The following GPR39 variants were observed in gnomAD, a reference collection of about 807,000 sequenced individuals.
GPR39 encodes G protein-coupled receptor 39.
Under a neutral mutation model 18.4 loss-of-function variants are expected in GPR39, and 23 were observed. That is an observed-to-expected ratio of 1.25 (90% CI 0.90 to 1.77). The LOEUF (loss-of-function observed/expected upper bound fraction) is 1.77. Ranked by LOEUF, GPR39 falls within the 40% of genes most tolerant of loss-of-function variation. The pLI, the probability that GPR39 is intolerant of heterozygous loss-of-function variation, is 0.00. For synonymous variants in GPR39, 280 were observed against 257.9 expected, an observed-to-expected ratio of 1.09 and a Z score of -0.82; for missense variants, 647 against 602.4, an observed-to-expected ratio of 1.07 and a Z score of -0.78.
Position 132,416,935 on chromosome 2 carries a change from A to G in GPR39, c.-108A>G. 1.5e-6 allele frequency: 2 copies of G among 1,359,126 alleles called. No homozygotes were observed. 84.2% of individuals were successfully genotyped at this position (1,359,126 alleles called of 1,614,324 possible). On this transcript the variant is annotated 5_prime_UTR_variant, in exon 1 of 2. Coordinates refer to ENST00000329321, the MANE Select transcript of GPR39 (RefSeq NM_001508.3). ...GCGAGGAGAACTCGAGTGAGATAAA[A>G]TCGTGCGCCCACGCAGGTGAGTTTG...
intron 1 of GPR39, among the ~76,000 whole-genome samples, chr2:132,639,627 GAAGA>G (rs1424373952): frequency 6.6e-6 from 1 of 152,180 alleles, no homozygotes; most frequent in Non-Finnish European, 1.5e-5. Context: ...TGAATGGGTA[GAAGA>G]GAGATGATAG....
At chr2:132,527,809 T>C (rs1312828370) in intron 1 of GPR39, among the ~76,000 whole-genome samples, 4 of 152,236 alleles carry the variant, frequency 2.6e-5, no homozygotes, top group African/African-American at 9.6e-5. Flanking sequence ...TAAATTGGTT[T>C]AAGTTCCCTG....
chr2:132,606,560 C>T (rs773172179), intron 1 of GPR39, among the ~76,000 whole-genome samples: 6 of 152,232 alleles, frequency 3.9e-5, no homozygotes, highest in African/African-American at 9.6e-5. Context: ...TAAGTATTTA[C>T]AAGCCCAAGT....
At chr2:132,599,665 CTG>C (rs151165952) in intron 1 of GPR39, among the ~76,000 whole-genome samples, 6,478 of 152,164 alleles carry the variant, frequency 0.043, 476 homozygotes, top group African/African-American at 0.15. Context: ...AACTCAGGGA[CTG>C]TGCTCTGCAG....
chr2:132,600,436 CAATG>C (rs1183611886), intron 1 of GPR39, among the ~76,000 whole-genome samples: 1 of 151,850 alleles, frequency 6.6e-6, no homozygotes, highest in African/African-American at 2.4e-5. Flanking sequence ...AAAATACAAA[CAATG>C]AATGAAACAT....
chr2:132,625,576 A>C (rs1681527484), intron 1 of GPR39, among the ~76,000 whole-genome samples: 7 of 152,164 alleles, frequency 4.6e-5, no homozygotes, highest in Admixed American at 4.6e-4. Flanking sequence ...CTCATATGAG[A>C]ACAGAAGGGG....
chr2:132,532,737 A>C (rs1237179560), intron 1 of GPR39, among the ~76,000 whole-genome samples: 1 of 152,248 alleles, frequency 6.6e-6, no homozygotes, highest in Non-Finnish European at 1.5e-5. Flanking sequence ...AGAACCAAAG[A>C]CAAAAAACAC....
intron 1 of GPR39, among the ~76,000 whole-genome samples, chr2:132,455,966 G>T (rs1307565527): frequency 1.3e-5 from 2 of 152,284 alleles, no homozygotes; most frequent in African/African-American, 4.8e-5. Flanking sequence ...TTTATTTGGG[G>T]TGGAGAATTC....
chr2:132,583,816 C>G (rs768898911), intron 1 of GPR39, among the ~76,000 whole-genome samples: 5 of 151,376 alleles, frequency 3.3e-5, no homozygotes, highest in Non-Finnish European at 7.4e-5. Context: ...TCAGCTGAGG[C>G]TGCAGCCACA....
At chr2:132,526,982 G>T (rs961701484) in intron 1 of GPR39, among the ~76,000 whole-genome samples, 1 of 152,086 alleles carries the variant, frequency 6.6e-6, no homozygotes, top group Non-Finnish European at 1.5e-5. Context: ...TGTGCAGAAT[G>T]TGCAGGTTTA....
chr2:132,457,932 G>A (rs13400635), intron 1 of GPR39, among the ~76,000 whole-genome samples: 3,218 of 152,352 alleles, frequency 0.021, 108 homozygotes, highest in African/African-American at 0.073. Context: ...TGTGGGACCT[G>A]CTGAGCCAGG....
In GPR39 at chr2:132,645,506, C is replaced by CTAAG. The variant is rs760214088; in HGVS notation, c.1264_1267dup (p.Ser423Ter). 1.9e-6 allele frequency: 3 copies of CTAAG among 1,613,210 alleles called. No homozygotes were observed. Among genetic ancestry groups the CTAAG allele is most frequent in the Non-Finnish European group, 2.5e-6 (3 of 1,179,958 alleles). Reference sequence around the variant, plus strand: ...TTTCAGAGCGAGGCCGAGCCCCAGTCTAAGTCCCAGTCATTGAGTCTCGAG... The same window carrying CTAAG: ...TTTCAGAGCGAGGCCGAGCCCCAGTCTAAGTAAGTCCCAGTCATTGAGTCTCGAG... On this transcript the variant is annotated frameshift_variant, in exon 2 of 2. Transcript: ENST00000329321. LOFTEE classifies it low-confidence loss of function (END_TRUNC).
chr2:132,492,665 C>CATATATATATAATATATATACACACCAT lies in GPR39; in HGVS notation c.856+74777_856+74804dup, dbSNP rs1681507795. ...ATCTATATATAATATATATACACAC[C>CATATATATATAATATATATACACACCAT]ATATATATATAATATATATACACAC... On this transcript the variant is annotated intron_variant, in intron 1 of 1. Coordinates refer to ENST00000329321, the MANE Select transcript of GPR39 (RefSeq NM_001508.3). Among the ~76,000 whole-genome samples, 2 of 130,924 alleles carry CATATATATATAATATATATACACACCAT rather than the reference C, an allele frequency of 1.5e-5. 1 individual carries two copies. Among genetic ancestry groups the CATATATATATAATATATATACACACCAT allele is most frequent in the African/African-American group, 6.1e-5 (2 of 33,022 alleles). The allele number at this position is 130,924 out of a possible 152,430, so 85.9% of individuals were successfully genotyped here.
chr2:132,474,184 C>A (rs377429733), intron 1 of GPR39, among the ~76,000 whole-genome samples: 18 of 152,276 alleles, frequency 1.2e-4, no homozygotes, highest in African/African-American at 4.1e-4. Context: ...TTCTCAAAGG[C>A]GAAGTTACCC....
intron 1 of GPR39, chr2:132,523,664 C>T (rs1185704280): frequency 6.6e-6 from 1 of 152,198 alleles, no homozygotes; most frequent in Non-Finnish European, 1.5e-5. Context: ...CACTGATTGC[C>T]AGGGTTGATT....
rs562824247 is a variant in GPR39 at position 132,593,297 on chromosome 2, C to T, written c.857-51804C>T. 3.9e-5 allele frequency among the ~76,000 whole-genome samples: 6 copies of T among 152,252 alleles called. No individual in the cohort carries two copies. In the South Asian group the frequency reaches 1.0e-3, roughly 26 times the overall value. On this transcript the variant is annotated intron_variant, in intron 1 of 1. Transcript: ENST00000329321. The stretch of plus-strand genomic sequence containing the variant: ...GTCTTCAGCTCCCCTCCTCTCCCTC[C>T]TAGAGGTCAGGCAGATATCATGTGT...
At chr2:132,504,764 A>C (rs372518472) in intron 1 of GPR39, among the ~76,000 whole-genome samples, 18 of 151,468 alleles carry the variant, frequency 1.2e-4, no homozygotes, top group African/African-American at 4.4e-4. Context: ...ACACCCATAA[A>C]ATCCTAGTAT....
At chr2:132,543,447 A>G (rs1407332208) in intron 1 of GPR39, among the ~76,000 whole-genome samples, 1 of 152,178 alleles carries the variant, frequency 6.6e-6, no homozygotes, top group Non-Finnish European at 1.5e-5. Flanking sequence ...GGCAGGTCAG[A>G]GGTTCTCCAG....
intron 1 of GPR39, among the ~76,000 whole-genome samples, chr2:132,429,125 C>A (rs1260749061): frequency 2.6e-5 from 4 of 152,190 alleles, no homozygotes; most frequent in Non-Finnish European, 4.4e-5. Context: ...TATCTTCAAT[C>A]CTCATAGTAT....
Sources: gnomAD v4.1 joint callset for allele counts (sites outside exome capture counted in the v4.1 genomes callset) on GRCh38, gnomAD v4.1.1 for gene constraint, MANE v1.5 for transcripts, NCBI Gene and HGNC (gene_info 2026-07-23, HGNC 2026-07-21) for gene names.